Variants in APLP1 observed in about 807,000 individuals in gnomAD.
The protein encoded by APLP1 is amyloid beta (A4) precursor-like protein 1.
Under a neutral mutation model 84.5 loss-of-function variants are expected in APLP1, and 46 were observed. The observed-to-expected ratio is 0.54, with a 90% CI of 0.43 to 0.70. The LOEUF (loss-of-function observed/expected upper bound fraction) is 0.70. APLP1 is among the 30% of genes least tolerant of loss of function. The probability of loss-of-function intolerance (pLI) is 0.00; values close to 1 mark genes in which losing one functional copy is unlikely to be tolerated. For missense variants in APLP1, 826 were observed against 900.2 expected (o/e 0.92, Z 1.05); for synonymous variants, 376 against 364.0 (o/e 1.03, Z -0.38).
At chr19:35,879,258 G>C in intron 16 of APLP1, 41 bp downstream of exon 16, 1 of 1,609,122 alleles carries the variant, frequency 6.2e-7, no homozygotes. Flanking sequence ...AAGAGTTCCT[G>C]AGCCCGGGTG....
rs1299935033 is a variant in APLP1, at chr19:35,879,451, C to T, written c.*10C>T. On this transcript the variant is annotated 3_prime_UTR_variant, in exon 17 of 17. Coordinates refer to ENST00000221891, the MANE Select transcript of APLP1 (RefSeq NM_001024807.3). ...GGAGGAACGACCCTGACCCGGCCCC[C>T]TTCACCCCTTCAGCCGAGCCCAGAC... 9.3e-6 allele frequency: 15 copies of T among 1,611,814 alleles called. No homozygotes were observed. Among genetic ancestry groups the T allele is most frequent in the Non-Finnish European group, 1.3e-5 (15 of 1,179,312 alleles).
At position 35,872,027 on chromosome 19, in the gene APLP1, G is replaced by A. The variant is rs752514509; in HGVS notation, c.841G>A (p.Val281Ile). 1 of 1,613,746 alleles carries A rather than the reference G, an allele frequency of 6.2e-7. No individual in the cohort carries two copies. The highest frequency in any genetic ancestry group is 1.1e-5 in the South Asian group (1 of 91,040). ...PPPSSHTLAV[V>I]GKVTPTPRPT... ...CCCAAGCTCCCATACACTTGCAGTG[G>A]TCGGCAAAGGTGAGGCAGTCTCTGA... Residue 281 changes from valine to isoleucine, a missense_variant, in exon 6 of 17, where the codon GTC becomes ATC. Physicochemically the swap from Val to Ile is conservative, Grantham distance 29. Transcript: ENST00000221891.
In APLP1 at chr19:35,874,895, A is replaced by AT; in HGVS notation, c.1344+27dup. 6.2e-7 allele frequency: 1 copy of AT among 1,601,020 alleles called. No individual in the cohort carries two copies. Among genetic ancestry groups the AT allele is most frequent in the Non-Finnish European group, 8.5e-7 (1 of 1,178,432 alleles). ...GTGCTCACATCCTTCCAGCTCCCAA[A>AT]TGCGCCGCTATTCCTCAGACGCCCG... On this transcript the variant is annotated intron_variant, in intron 10 of 16. Transcript: ENST00000221891. The surrounding 1 kb of genome is among the most constrained non-coding windows in gnomAD (Gnocchi z 6.4).
At chr19:35,877,488 C>CAA (rs1249622069) in intron 11 of APLP1, among the ~76,000 whole-genome samples, 4 of 92,914 alleles carry the variant, frequency 4.3e-5, no homozygotes, top group Admixed American at 1.1e-4. Context: ...GACTCTGTCT[C>CAA]AAAAAAAAAA....
Position 35,879,362 on chromosome 19 carries a change from T to A in APLP1, c.1877T>A (p.Leu626Gln). 1.2e-6 allele frequency: 2 copies of A among 1,613,930 alleles called. No homozygotes were observed. The highest frequency in any genetic ancestry group is 1.7e-6 in the Non-Finnish European group (2 of 1,179,990). Residue 626 changes from leucine to glutamine, a missense_variant, in exon 17 of 17, where the codon CTG (leucine) becomes CAG (glutamine). Leu to Gln is a moderately radical substitution (Grantham distance 113, BLOSUM62 -2). Transcript: ENST00000221891. Reference sequence around the variant, plus strand: ...TTGCAGGTGGACCCCATGCTGACCCTGGAGGAGCAGCAGCTCCGCGAACTG... The same window carrying A: ...TTGCAGGTGGACCCCATGCTGACCCAGGAGGAGCAGCAGCTCCGCGAACTG... ...GVVEVDPMLTLEEQQLRELQR... is the reference protein window; with the variant it reads ...GVVEVDPMLTQEEQQLRELQR...
At position 35,872,496 on chromosome 19, in the gene APLP1, G is replaced by C. The variant is rs759583997; in HGVS notation, c.864G>C (p.Pro288=). 6.2e-7 allele frequency: 1 copy of C among 1,613,010 alleles called. No homozygotes were observed. Among genetic ancestry groups the C allele is most frequent in the Admixed American group, 1.7e-5 (1 of 59,942 alleles). Residue 288 remains proline (P), a synonymous_variant, in exon 7 of 17, where the codon CCG becomes CCC. Transcript: ENST00000221891. Reference sequence around the variant, plus strand: ...CTGGTCTTGCAGTCACTCCCACCCCGAGGCCCACAGACGGTGTGGATATTT... The same window carrying C: ...CTGGTCTTGCAGTCACTCCCACCCCCAGGCCCACAGACGGTGTGGATATTT... ...LAVVGKVTPT[P]RPTDGVDIYF... is the part of the protein sequence containing the mutation.
In APLP1 at chr19:35,871,739, C is replaced by T. The variant is rs200704183; in HGVS notation, c.665C>T (p.Ala222Val). Residue 222 changes from alanine to valine, a missense_variant, in exon 5 of 17, where the codon GCA becomes GTA. By Grantham distance (64) the Ala-to-Val change is moderately conservative. This residue lies in a region of APLP1 where 383 missense variants were observed against 378.3 expected (regional missense o/e 1.01). Coordinates refer to ENST00000221891, the MANE Select transcript of APLP1 (RefSeq NM_001024807.3). ...GGGACCCCCGACCCATCTGGGACAG[C>T]AGTTGGGTGAGTGGGAGGGAACCCT... is the stretch of plus-strand genomic sequence containing the variant. ...PPGTPDPSGT[A>V]VGDPSTRSWP... 2.4e-5 allele frequency: 39 copies of T among 1,614,046 alleles called. No homozygotes were observed. In the East Asian group the frequency reaches 7.4e-4, roughly 30 times the overall value.
rs949739706 is a variant in APLP1, at chr19:35,874,773, C to T, written c.1248C>T (p.Tyr416=). 14 of 1,613,522 alleles carry T rather than the reference C, an allele frequency of 8.7e-6. No individual in the cohort carries two copies. Among genetic ancestry groups the T allele is most frequent in the Non-Finnish European group, 1.2e-5 (14 of 1,179,918 alleles). ...GTGTCCTGTTGGCCCTGCGGCGCTA[C>T]CTGCGTGCGGAGCAGAAGGAACAGA... ...AERVLLALRR[Y]LRAEQKEQRH... Residue 416 remains tyrosine, a synonymous_variant, in exon 10 of 17, where the codon TAC becomes TAT. Transcript: ENST00000221891. This position sits in a 1 kb window ranked among gnomAD's most constrained non-coding sequence, Gnocchi z 6.4.
chr19:35,872,846 GT>G lies in APLP1; in HGVS notation c.981+246del, dbSNP rs758120842. The stretch of plus-strand genomic sequence containing the variant: ...TCTATGGTACTCTTTCACTTTATTG[GT>G]TTTTTTTTTTTTCTTTTGTTGTTGT... On this transcript the variant is annotated intron_variant, in intron 7 of 16. Coordinates refer to ENST00000221891, the MANE Select transcript of APLP1 (RefSeq NM_001024807.3). Among the ~76,000 whole-genome samples, 1,076 of 144,142 alleles carry G rather than the reference GT, an allele frequency of 7.5e-3. 11 individuals carry two copies. The highest frequency in any genetic ancestry group is 0.015 in the African/African-American group (609 of 39,412). The allele number at this position is 144,142 out of a possible 152,430, so 94.6% of individuals were successfully genotyped here.
In APLP1 at chr19:35,876,508, C is replaced by G. The variant is rs1244652692; in HGVS notation, c.1345-9C>G. 6.2e-7 allele frequency: 1 copy of G among 1,612,036 alleles called. No homozygotes were observed. Among genetic ancestry groups the G allele is most frequent in the South Asian group, 1.1e-5 (1 of 91,032 alleles). On this transcript the variant is annotated splice_polypyrimidine_tract_variant and intron_variant, in intron 10 of 16. Coordinates refer to ENST00000221891, the MANE Select transcript of APLP1 (RefSeq NM_001024807.3). ...GCGCAGTTCATCCTTCATGTCCACT[C>G]ACCCACAGGTGCATACCCACCTTCA...
rs1213094873 is a variant in APLP1, at chr19:35,874,468, TCTC to T, written c.1057-32_1057-30del. The T allele has an allele frequency of 1.9e-6, 3 of 1,610,334 alleles. No individual in the cohort carries two copies. The highest frequency in any genetic ancestry group is 1.3e-5 in the African/African-American group (1 of 74,790). On this transcript the variant is annotated intron_variant, in intron 8 of 16. Transcript: ENST00000221891. The surrounding 1 kb of genome is among the most constrained non-coding windows in gnomAD (Gnocchi z 6.4). ...TCTTTGACCAGGCTTTGACCCATCT[TCTC>T]CTCTCCTGACCCTGTGCCCACCCGC...
In APLP1 at chr19:35,878,287, C is replaced by T. The variant is rs551079186; in HGVS notation, c.1579+179C>T. ...GGGCCAGGCGCTGGTGACTCACACC[C>T]GTAATCCTAGCACTTTCAGAGGCTG... On this transcript the variant is annotated intron_variant, in intron 13 of 16. Transcript: ENST00000221891. Among the ~76,000 whole-genome samples, 287 of 152,214 alleles carry T rather than the reference C, an allele frequency of 1.9e-3. 2 individuals carry two copies. The highest frequency in any genetic ancestry group is 3.6e-3 in the Non-Finnish European group (243 of 68,010).
chr19:35,873,128 G>A (rs1459885014), intron 7 of APLP1, among the ~76,000 whole-genome samples: 1 of 151,928 alleles, frequency 6.6e-6, no homozygotes, highest in Non-Finnish European at 1.5e-5. Flanking sequence ...CCAAAGTGCT[G>A]GGATTACAGG....
Position 35,870,927 on chromosome 19 carries a change from A to G in APLP1, c.323A>G (p.Glu108Gly). 6.2e-7 allele frequency: 1 copy of G among 1,603,330 alleles called. No individual in the cohort carries two copies. Among genetic ancestry groups the G allele is most frequent in the South Asian group, 1.1e-5 (1 of 88,458 alleles). ...MYPELQIARV[E>G]QATQAIPMER... is the part of the protein sequence containing the mutation. ...CCGGAGCTGCAGATTGCACGTGTGG[A>G]GCAGGCTACGCAGGCCATCCCCATG... The change falls in exon 3 of 17, where the codon GAG (glutamate) becomes GGG (glycine). Residue 108 changes from glutamate to glycine, a missense_variant. Transcript: ENST00000221891.
chr19:35,871,916 G>T lies in APLP1; in HGVS notation c.730G>T (p.Glu244Ter). 1 of 1,614,174 alleles carries T rather than the reference G, an allele frequency of 6.2e-7. No individual in the cohort carries two copies. Among genetic ancestry groups the T allele is most frequent in the South Asian group, 1.1e-5 (1 of 91,080 alleles). ...CAGAGTAGAGGGGGCTGAGGACGAG[G>T]AAGAGGAGGAATCCTTCCCACAGCC... ...GSRVEGAEDE[E>*]EEESFPQPVD... Residue 244 changes from glutamate (E) to a stop codon, truncating the protein, a stop_gained, in exon 6 of 17, where the codon GAA becomes TAA. Transcript: ENST00000221891. LOFTEE classifies it high-confidence loss of function.
At chr19:35,878,016 C>T (rs1974323750) in intron 12 of APLP1, 66 bp from the exon 13 acceptor site, 3 of 1,547,880 alleles carry the variant, frequency 1.9e-6, no homozygotes. Flanking sequence ...GGATGTTTCT[C>T]CACCTTTCTT....
intron 8 of APLP1, among the ~76,000 whole-genome samples, 157 bp downstream of exon 8, chr19:35,873,870 T>A (rs1027353504): frequency 2.6e-5 from 4 of 152,154 alleles, no homozygotes; most frequent in Non-Finnish European, 5.9e-5. Flanking sequence ...TCTGCCCCTC[T>A]TAGCCGTCAT....
rs1349074546 is a variant in APLP1 at position 35,868,623 on chromosome 19, G to T, written c.-14G>T. 8 of 1,314,736 alleles carry T rather than the reference G, an allele frequency of 6.1e-6. No homozygotes were observed. The highest frequency in any genetic ancestry group is 2.1e-5 in the South Asian group (1 of 48,578). 81.4% of individuals were successfully genotyped at this position (1,314,736 alleles called of 1,614,324 possible). The stretch of plus-strand genomic sequence containing the variant: ...GCGGGAGTGCAGGGGACGTGAGGGC[G>T]CAAGGGCCGGGACATGGGGCCCGCC... On this transcript the variant is annotated 5_prime_UTR_variant, in exon 1 of 17. Coordinates refer to ENST00000221891, the MANE Select transcript of APLP1 (RefSeq NM_001024807.3). The surrounding 1 kb of genome is among the most constrained non-coding windows in gnomAD (Gnocchi z 5.2).
intron 12 of APLP1, 75 bp downstream of exon 12, chr19:35,877,900 C>A: frequency 1.5e-6 from 2 of 1,378,782 alleles, no homozygotes; most frequent in Non-Finnish European, 1.0e-6. Flanking sequence ...CCCCTAGAGT[C>A]TGAGGGTGTC....
Sources: gnomAD v4.1 joint callset for allele counts (sites outside exome capture counted in the v4.1 genomes callset) on GRCh38, gnomAD v4.1.1 for gene constraint, gnomAD v4.1.1 regional missense constraint, Gnocchi (gnomAD v3.1) non-coding constraint, MANE v1.5 for transcripts, NCBI Gene and HGNC (gene_info 2026-07-23, HGNC 2026-07-21) for gene names.